The following DSCAML1 variants were observed in gnomAD, a reference collection of about 807,000 sequenced individuals.
DSCAML1 encodes cell adhesion molecule DSCAML1.
In DSCAML1, 38 loss-of-function variants were observed where a neutral mutation model predicts 200.5. The observed-to-expected ratio is 0.19, with a 90% CI of 0.15 to 0.25. The LOEUF (loss-of-function observed/expected upper bound fraction) is 0.25, where lower values mean the gene tolerates loss of function less well. DSCAML1 is among the 10% of genes least tolerant of loss of function. The pLI, the probability that DSCAML1 is intolerant of heterozygous loss-of-function variation, is 1.00. For synonymous variants in DSCAML1, 1,215 were observed against 1,165.0 expected (o/e 1.04, Z -0.87); for missense variants, 2,223 against 2,858.8 (o/e 0.78, Z 5.07).
chr11:117,811,965 G>C (rs1283599143), intron 1 of DSCAML1, among the ~76,000 whole-genome samples: 3 of 152,152 alleles, frequency 2.0e-5, no homozygotes, highest in Admixed American at 1.3e-4. Context: ...CCCAACTCTG[G>C]TGCCAACTTA....
intron 1 of DSCAML1, among the ~76,000 whole-genome samples, chr11:117,796,216 C>T (rs549645266): frequency 2.3e-4 from 35 of 152,314 alleles, no homozygotes; most frequent in African/African-American, 8.2e-4. Flanking sequence ...CTGGACATGC[C>T]GGACACCTGG....
At chr11:117,797,621 C>T (rs193146626), upstream of DSCAML1, among the ~76,000 whole-genome samples, 393 of 134,270 alleles carry the variant, frequency 2.9e-3, 1 homozygote, top group Non-Finnish European at 4.5e-3. Flanking sequence ...GGAGCATGGA[C>T]GCTCTGGGTA....
chr11:117,580,996 CT>C lies in DSCAML1; in HGVS notation c.512-48475del, dbSNP rs1162710845. On this transcript the variant is annotated intron_variant, in intron 3 of 32. Coordinates refer to ENST00000651296, the MANE Select transcript of DSCAML1 (RefSeq NM_020693.4). ...CAAGGTGTTCAAGCCAGAACAAAAC[CT>C]CGCAGTCATTCTTATGCAAAAATGA... 7.2e-5 allele frequency among the ~76,000 whole-genome samples: 11 copies of C among 152,296 alleles called. 1 individual carries two copies. Among genetic ancestry groups the C allele is most frequent in the Middle Eastern group, 3.4e-3 (1 of 294 alleles).
In DSCAML1 at chr11:117,430,929, C is replaced by T. The variant is rs76623445; in HGVS notation, c.5479G>A (p.Ala1827Thr). 1.3e-4 allele frequency: 208 copies of T among 1,614,124 alleles called. No individual in the cohort carries two copies. In the East Asian group the frequency reaches 1.4e-3, roughly 11 times the overall value. Residue 1827 changes from alanine to threonine, a missense_variant, in exon 32 of 33, where the codon GCC becomes ACC. Ala to Thr is a moderately conservative substitution (Grantham distance 58). Transcript: ENST00000651296. ...HAKLEEQLQHAKFEITECFIS... is the reference protein window; with the variant it reads ...HAKLEEQLQHTKFEITECFIS... The stretch of plus-strand genomic sequence containing the variant: ...AAGCACTCGGTGATCTCAAACTTGG[C>T]GTGCTGCAGCTGCTCCTCCAGCTTG...
At chr11:117,555,857 C>G (rs747230510) in intron 3 of DSCAML1, among the ~76,000 whole-genome samples, 37 of 151,704 alleles carry the variant, frequency 2.4e-4, no homozygotes, top group Non-Finnish European at 4.3e-4. Context: ...CATGGAAAGC[C>G]CTCTCCTGCA....
intron 1 of DSCAML1, among the ~76,000 whole-genome samples, chr11:117,807,004 G>A (rs996437593): frequency 2.0e-5 from 3 of 152,144 alleles, no homozygotes; most frequent in African/African-American, 7.2e-5. Flanking sequence ...CAAGGATGAG[G>A]CCAAATCCTC....
intron 3 of DSCAML1, among the ~76,000 whole-genome samples, chr11:117,700,510 G>A (rs987104601): frequency 6.6e-6 from 1 of 152,218 alleles, no homozygotes; most frequent in African/African-American, 2.4e-5. Flanking sequence ...AGAAGCAGGA[G>A]CTCCCAGCCA....
intron 3 of DSCAML1, among the ~76,000 whole-genome samples, chr11:117,605,962 G>A (rs1487093921): frequency 1.3e-5 from 2 of 152,104 alleles, no homozygotes; most frequent in African/African-American, 4.8e-5. Context: ...TCCAGGGCCT[G>A]GAAGTGCTGA....
At chr11:117,573,530 C>G (rs769401943) in intron 3 of DSCAML1, among the ~76,000 whole-genome samples, 4 of 152,202 alleles carry the variant, frequency 2.6e-5, no homozygotes, top group Non-Finnish European at 5.9e-5. Flanking sequence ...TCAGCCCCAG[C>G]CAGGTAATCC....
At chr11:117,765,417 C>A (rs915165292) in intron 3 of DSCAML1, among the ~76,000 whole-genome samples, 5 of 152,190 alleles carry the variant, frequency 3.3e-5, no homozygotes, top group African/African-American at 1.2e-4. Flanking sequence ...GGGTCTGGAT[C>A]CTCCCCATCT....
At chr11:117,534,337 T>C (rs2050129690) in intron 3 of DSCAML1, among the ~76,000 whole-genome samples, 1 of 152,232 alleles carries the variant, frequency 6.6e-6, no homozygotes, top group African/African-American at 2.4e-5. Context: ...GACGATATCT[T>C]TGACAAAGGT....
At chr11:117,502,809 C>G (rs954407245) in intron 11 of DSCAML1, among the ~76,000 whole-genome samples, 1 of 152,206 alleles carries the variant, frequency 6.6e-6, no homozygotes, top group Non-Finnish European at 1.5e-5. Context: ...TCGCTCTTGA[C>G]ATGAAATGTA....
intron 3 of DSCAML1, among the ~76,000 whole-genome samples, chr11:117,707,195 C>A (rs78067700): frequency 1.3e-5 from 2 of 152,168 alleles, no homozygotes; most frequent in East Asian, 3.9e-4. Flanking sequence ...CCAGTGGACA[C>A]CTGTAGGGGA....
At chr11:117,544,273 G>T (rs894419471) in intron 3 of DSCAML1, among the ~76,000 whole-genome samples, 1 of 152,184 alleles carries the variant, frequency 6.6e-6, no homozygotes, top group African/African-American at 2.4e-5. Flanking sequence ...ACCAGTTGCT[G>T]CTCCATGCAA....
At chr11:117,678,229 T>C (rs976427368) in intron 3 of DSCAML1, among the ~76,000 whole-genome samples, 1 of 152,180 alleles carries the variant, frequency 6.6e-6, no homozygotes, top group African/African-American at 2.4e-5. Context: ...CCAGGAGAGA[T>C]AGCCCCCATT....
intron 8 of DSCAML1, among the ~76,000 whole-genome samples, chr11:117,512,017 A>G (rs2049629896): frequency 2.0e-5 from 3 of 152,176 alleles, no homozygotes; most frequent in Admixed American, 2.0e-4. Flanking sequence ...GCAGTCCCAG[A>G]AGGAATGGAG....
At chr11:117,684,435 T>TA (rs149958154) in intron 3 of DSCAML1, among the ~76,000 whole-genome samples, 1,732 of 74,414 alleles carry the variant, frequency 0.023, 59 homozygotes, top group African/African-American at 0.048. Context: ...TTTCATTAAC[T>TA]AAAAAAAAAA....
At chr11:117,568,852 A>G (rs1481674477) in intron 3 of DSCAML1, among the ~76,000 whole-genome samples, 4 of 152,234 alleles carry the variant, frequency 2.6e-5, no homozygotes, top group African/African-American at 4.8e-5. Flanking sequence ...ACTTTCTTCA[A>G]GAATTGGAAA....
At chr11:117,809,761 C>T (rs1406037235) in intron 1 of DSCAML1, among the ~76,000 whole-genome samples, 2 of 152,218 alleles carry the variant, frequency 1.3e-5, no homozygotes, top group Non-Finnish European at 2.9e-5. Flanking sequence ...TAGGTCCACC[C>T]ACGCAACCCT....
Sources: gnomAD v4.1 joint callset for allele counts (sites outside exome capture counted in the v4.1 genomes callset) on GRCh38, gnomAD v4.1.1 for gene constraint, MANE v1.5 for transcripts, NCBI Gene and HGNC (gene_info 2026-07-23, HGNC 2026-07-21) for gene names.